RNGTT: variants seen among roughly 807,000 people sequenced by gnomAD.
RNGTT encodes the protein mRNA-capping enzyme.
A neutral mutation model predicts 79.3 loss-of-function variants in RNGTT; 33 were observed. That is an observed-to-expected ratio of 0.42 (90% CI 0.32 to 0.56). The LOEUF (loss-of-function observed/expected upper bound fraction) is 0.56. Ranked by LOEUF, RNGTT falls within the 20% of genes least tolerant of loss-of-function variation. The pLI is 0.17. For synonymous variants in RNGTT, 222 were observed against 235.9 expected (o/e 0.94, Z 0.54); for missense variants, 497 against 739.1 (o/e 0.67, Z 3.80).
chr6:88,893,854 G>A (rs990674967), intron 6 of RNGTT, among the ~76,000 whole-genome samples: 107 of 152,116 alleles, frequency 7.0e-4, no homozygotes, highest in African/African-American at 2.4e-3. Flanking sequence ...AATCATCCTT[G>A]GTAACTTTAG....
At chr6:88,829,727 A>AGG (rs1780792747) in intron 11 of RNGTT, among the ~76,000 whole-genome samples, 1 of 149,610 alleles carries the variant, frequency 6.7e-6, no homozygotes, top group Non-Finnish European at 1.5e-5. Context: ...AAAAAAAACC[A>AGG]GGGGTTGCAA....
intron 11 of RNGTT, among the ~76,000 whole-genome samples, chr6:88,841,634 T>C (rs150361437): frequency 0.018 from 2,700 of 152,310 alleles, 33 homozygotes; most frequent in Non-Finnish European, 0.025. Flanking sequence ...CCCACCACAA[T>C]GCAACTTCTT....
At chr6:88,850,390 A>G (rs1781632286) in intron 9 of RNGTT, among the ~76,000 whole-genome samples, 1 of 151,966 alleles carries the variant, frequency 6.6e-6, no homozygotes, top group Non-Finnish European at 1.5e-5. Context: ...TAGCCATTAA[A>G]AAGTCAAAAA....
At chr6:88,802,975 C>T (rs920957015) in intron 11 of RNGTT, among the ~76,000 whole-genome samples, 16 of 152,190 alleles carry the variant, frequency 1.1e-4, no homozygotes, top group African/African-American at 3.6e-4. Context: ...CAATCACACA[C>T]TCTTGAAAGC....
chr6:88,690,331 GA>G (rs1440870473), intron 13 of RNGTT, among the ~76,000 whole-genome samples: 5 of 151,888 alleles, frequency 3.3e-5, no homozygotes, highest in Non-Finnish European at 5.9e-5. Context: ...AAAAATGGGG[GA>G]AACCACGTGA....
intron 8 of RNGTT, among the ~76,000 whole-genome samples, chr6:88,858,148 GATTT>G (rs1781898110): frequency 6.6e-6 from 1 of 152,036 alleles, no homozygotes; most frequent in Non-Finnish European, 1.5e-5. Context: ...CATTTACATT[GATTT>G]ATTTCACCAC....
intron 8 of RNGTT, among the ~76,000 whole-genome samples, chr6:88,883,132 T>C (rs761058602): frequency 3.2e-5 from 4 of 125,646 alleles, no homozygotes; most frequent in South Asian, 2.4e-4. Flanking sequence ...GGCTGAGTTG[T>C]AGAGAGAAGA....
intron 14 of RNGTT, among the ~76,000 whole-genome samples, chr6:88,667,700 C>T (rs763665778): frequency 2.3e-4 from 35 of 152,260 alleles, no homozygotes; most frequent in Admixed American, 3.3e-4. Context: ...GACAATGGGC[C>T]GGCATTTGTG....
intron 14 of RNGTT, among the ~76,000 whole-genome samples, chr6:88,665,418 A>C (rs1291184018): frequency 6.6e-6 from 1 of 152,078 alleles, no homozygotes; most frequent in Non-Finnish European, 1.5e-5. Context: ...GTCTCCATGG[A>C]ACACCCCCCT....
intron 9 of RNGTT, among the ~76,000 whole-genome samples, chr6:88,850,826 T>C (rs1416835832): frequency 6.6e-6 from 1 of 152,024 alleles, no homozygotes; most frequent in Non-Finnish European, 1.5e-5. Flanking sequence ...TGTCCAAAGC[T>C]GAGTATTTGT....
At chr6:88,930,385 T>A (rs936815923) in intron 2 of RNGTT, among the ~76,000 whole-genome samples, 2 of 151,724 alleles carry the variant, frequency 1.3e-5, no homozygotes, top group African/African-American at 4.8e-5. Flanking sequence ...GTACGGGAAA[T>A]TTGGCCAGAC....
intron 13 of RNGTT, among the ~76,000 whole-genome samples, chr6:88,761,984 T>TA (rs1267367608): frequency 2.0e-5 from 3 of 148,972 alleles, no homozygotes; most frequent in Non-Finnish European, 3.0e-5. Flanking sequence ...AAAAATCTAA[T>TA]AAAAAAATTA....
In RNGTT at chr6:88,932,167, C is replaced by T. The variant is rs959180069; in HGVS notation, c.175-2900G>A. ...CCCAGGAGTAGGCCTCTAAAATGGC[C>T]GCTCTAGGAGGGTCTGCAGTTGCAG... On this transcript the variant is annotated intron_variant, in intron 2 of 15. Coordinates refer to ENST00000369485, the MANE Select transcript of RNGTT (RefSeq NM_003800.5). Among the ~76,000 whole-genome samples the T allele has an allele frequency of 6.6e-5, 10 of 152,186 alleles. No homozygotes were observed. The South Asian group carries it at 1.7e-3, about 25-fold the overall frequency.
At chr6:88,652,739 G>A (rs1393631833) in intron 14 of RNGTT, among the ~76,000 whole-genome samples, 1 of 152,150 alleles carries the variant, frequency 6.6e-6, no homozygotes, top group Non-Finnish European at 1.5e-5. Flanking sequence ...GTTGTAAGAA[G>A]AGTCAACCAA....
intron 11 of RNGTT, among the ~76,000 whole-genome samples, chr6:88,818,278 G>A (rs745433368): frequency 9.9e-5 from 15 of 152,000 alleles, no homozygotes; most frequent in Non-Finnish European, 2.1e-4. Flanking sequence ...GGTTAACCAG[G>A]AGCATAATTT....
At chr6:88,799,099 A>C (rs1380536538) in intron 12 of RNGTT, among the ~76,000 whole-genome samples, 1 of 152,200 alleles carries the variant, frequency 6.6e-6, no homozygotes, top group African/African-American at 2.4e-5. Flanking sequence ...ACAAATATTT[A>C]GAAGTTACCA....
intron 14 of RNGTT, among the ~76,000 whole-genome samples, chr6:88,645,751 G>C (rs1450088116): frequency 6.6e-6 from 1 of 152,138 alleles, no homozygotes; most frequent in African/African-American, 2.4e-5. Context: ...CAAGAAATGA[G>C]GAAAGGATTC....
chr6:88,829,155 CA>C (rs1780765358), intron 11 of RNGTT, among the ~76,000 whole-genome samples: 1 of 152,126 alleles, frequency 6.6e-6, no homozygotes, highest in Non-Finnish European at 1.5e-5. Flanking sequence ...GGGTTACCCA[CA>C]AAGGGAAGCC....
intron 14 of RNGTT, among the ~76,000 whole-genome samples, chr6:88,619,170 C>CTT (rs1006255202): frequency 6.8e-6 from 1 of 146,992 alleles, no homozygotes. Flanking sequence ...ACAGATTTTT[C>CTT]TTTTTTTTTT....
Sources: gnomAD v4.1 joint callset for allele counts (sites outside exome capture counted in the v4.1 genomes callset) on GRCh38, gnomAD v4.1.1 for gene constraint, MANE v1.5 for transcripts, NCBI Gene and HGNC (gene_info 2026-07-23, HGNC 2026-07-21) for gene names.